Variants in EPN2 observed in about 807,000 individuals in gnomAD.
The protein encoded by EPN2 is epsin-2.
A neutral mutation model predicts 61.7 loss-of-function variants in EPN2; 34 were observed. The observed-to-expected ratio is 0.55, with a 90% confidence interval of 0.42 to 0.73. The LOEUF (loss-of-function observed/expected upper bound fraction) is 0.73. Among genes scored for constraint, EPN2 ranks in the 30% least tolerant of loss-of-function variants. The pLI, the probability that EPN2 is intolerant of heterozygous loss-of-function variation, is 0.00. For missense variants in EPN2, 714 were observed against 839.2 expected (o/e 0.85, Z 1.84); for synonymous variants, 349 against 353.6 (o/e 0.99, Z 0.15).
chr17:19,295,578 C>T (rs1403020190), intron 4 of EPN2, among the ~76,000 whole-genome samples: 1 of 152,032 alleles, frequency 6.6e-6, no homozygotes, highest in African/African-American at 2.4e-5. Context: ...AAGTCAATTC[C>T]AGAAATATAG....
rs1907271779 is a variant in EPN2, at chr17:19,333,824, G to T, written c.1628-132G>T. 5 of 625,942 alleles carry T rather than the reference G, an allele frequency of 8.0e-6. No homozygotes were observed. In the South Asian group the frequency reaches 1.4e-4, roughly 18 times the overall value. The allele number at this position is 625,942 out of a possible 1,614,324, so 38.8% of individuals were successfully genotyped here. Reference sequence around the variant, plus strand: ...CAGATATTTGCTAGTGTCTGCCATGGACTCGGCCGGCACTGTCACGGGCTC... The same window carrying T: ...CAGATATTTGCTAGTGTCTGCCATGTACTCGGCCGGCACTGTCACGGGCTC... On this transcript the variant is annotated intron_variant, in intron 10 of 10. Coordinates refer to ENST00000314728, the MANE Select transcript of EPN2 (RefSeq NM_014964.5).
In EPN2 at chr17:19,331,923, CCT is replaced by C; in HGVS notation, c.1483_1484del (p.Leu495AspfsTer15). The C allele has an allele frequency of 1.9e-6, 3 of 1,614,164 alleles. No individual in the cohort carries two copies. Among genetic ancestry groups the C allele is most frequent in the Non-Finnish European group, 2.5e-6 (3 of 1,180,026 alleles). On this transcript the variant is annotated frameshift_variant, in exon 10 of 11. Transcript: ENST00000314728. LOFTEE classifies it high-confidence loss of function. Reference protein sequence around the residue: ...TSPDPFESQPLTVASSKPSSA... With the variant: ...TSPDPFESQPXTVASSKPSSA... ...GCCCTGACCCCTTTGAGTCTCAACC[CCT>C]GACTGTCGCCTCAAGCAAGCCCAGC...
intron 1 of EPN2, among the ~76,000 whole-genome samples, chr17:19,251,112 T>C (rs2045010843): frequency 6.6e-6 from 1 of 152,176 alleles, no homozygotes; most frequent in Admixed American, 6.5e-5. Context: ...AAAGCAAGTC[T>C]TTATAGTGTA....
intron 7 of EPN2, among the ~76,000 whole-genome samples, chr17:19,323,865 A>G (rs1906752189): frequency 6.6e-6 from 1 of 152,248 alleles, no homozygotes; most frequent in African/African-American, 2.4e-5. Flanking sequence ...CACTAAGAGA[A>G]TTTGTTGCCA....
intron 7 of EPN2, among the ~76,000 whole-genome samples, chr17:19,315,256 G>C (rs1391386796): frequency 6.6e-6 from 1 of 152,174 alleles, no homozygotes; most frequent in South Asian, 2.1e-4. Flanking sequence ...TCTGGGCCGA[G>C]CCAAGGACCT....
At chr17:19,247,484 A>G (rs2044965814) in intron 1 of EPN2, among the ~76,000 whole-genome samples, 1 of 152,230 alleles carries the variant, frequency 6.6e-6, no homozygotes. Flanking sequence ...AGAACAAGAA[A>G]CAGTATCCCT....
chr17:19,308,820 G>A (rs1278448026), intron 4 of EPN2, among the ~76,000 whole-genome samples: 3 of 152,170 alleles, frequency 2.0e-5, no homozygotes, highest in Non-Finnish European at 1.5e-5. Flanking sequence ...TTCCCTGATC[G>A]TGAAACATCC....
chr17:19,291,537 A>G (rs1451898623), intron 4 of EPN2, among the ~76,000 whole-genome samples: 1 of 142,710 alleles, frequency 7.0e-6, no homozygotes, highest in Non-Finnish European at 1.5e-5. Context: ...TCCTGGGTTC[A>G]CGCCGTTCTC....
At chr17:19,263,979 G>A (rs1251413882) in intron 1 of EPN2, among the ~76,000 whole-genome samples, 1 of 152,104 alleles carries the variant, frequency 6.6e-6, no homozygotes, top group African/African-American at 2.4e-5. Context: ...GTTCTTCCTT[G>A]GCCTCTCGGC....
intron 1 of EPN2, among the ~76,000 whole-genome samples, chr17:19,256,082 T>G (rs1047806879): frequency 6.6e-6 from 1 of 151,740 alleles, no homozygotes; most frequent in African/African-American, 2.4e-5. Flanking sequence ...GGACTACAGG[T>G]GCCCGCCACC....
rs765011652 is a variant in EPN2 at position 19,335,966 on chromosome 17, A to T, written c.*1712A>T. On this transcript the variant is annotated 3_prime_UTR_variant, in exon 11 of 11. Transcript: ENST00000314728. Reference sequence around the variant, plus strand: ...TCCACCATGGGAATTTCTCACCTCTAGCTCTAAGGGCAGCTGACCACCTGC... The same window carrying T: ...TCCACCATGGGAATTTCTCACCTCTTGCTCTAAGGGCAGCTGACCACCTGC... 3.5e-4 allele frequency: 53 copies of T among 152,772 alleles called. No homozygotes were observed. Among genetic ancestry groups the T allele is most frequent in the Non-Finnish European group, 7.5e-4 (51 of 68,412 alleles). The allele number at this position is 152,772 out of a possible 1,614,324, so 9.5% of individuals were successfully genotyped here.
At chr17:19,259,403 C>T (rs555522237) in intron 1 of EPN2, among the ~76,000 whole-genome samples, 3 of 150,650 alleles carry the variant, frequency 2.0e-5, no homozygotes, top group Admixed American at 1.3e-4. Flanking sequence ...AGCTCCACCT[C>T]CCGGGTTCAC....
At chr17:19,295,224 C>G (rs1663154777) in intron 4 of EPN2, among the ~76,000 whole-genome samples, 1 of 152,212 alleles carries the variant, frequency 6.6e-6, no homozygotes, top group African/African-American at 2.4e-5. Context: ...GAAAGGTGCT[C>G]AGAACATACT....
chr17:19,292,666 G>T (rs1464501059), intron 4 of EPN2, among the ~76,000 whole-genome samples: 4 of 152,230 alleles, frequency 2.6e-5, no homozygotes, highest in African/African-American at 9.6e-5. Flanking sequence ...TTGCCACAAG[G>T]GCTTGGGTTT....
Position 19,283,615 on chromosome 17 carries a change from A to T in EPN2, c.496A>T (p.Ile166Phe). 1 of 1,614,108 alleles carries T rather than the reference A, an allele frequency of 6.2e-7. No individual in the cohort carries two copies. The highest frequency in any genetic ancestry group is 8.5e-7 in the Non-Finnish European group (1 of 1,180,020). ...TGCCACTGGCATGGGCAGCAACCAG[A>T]TCACCTTTGGGCGAGGCTCCAGCCA... ...QVATGMGSNQ[I>F]TFGRGSSQPN... is the part of the protein sequence containing the mutation. Residue 166 changes from isoleucine to phenylalanine, a missense_variant, in exon 3 of 11, where the codon ATC (isoleucine) becomes TTC (phenylalanine). Ile to Phe is a conservative substitution (Grantham distance 21). Coordinates refer to ENST00000314728, the MANE Select transcript of EPN2 (RefSeq NM_014964.5). This position sits in a 1 kb window ranked among gnomAD's most constrained non-coding sequence, Gnocchi z 7.0.
chr17:19,276,253 T>A (rs922695598), intron 1 of EPN2: 14 of 152,124 alleles, frequency 9.2e-5, no homozygotes, highest in Non-Finnish European at 1.9e-4. Flanking sequence ...AGTGGCATTA[T>A]CATGGTCCAC....
chr17:19,333,641 G>T (rs12602286), intron 10 of EPN2, among the ~76,000 whole-genome samples: 118,484 of 152,030 alleles, frequency 0.78, 48,005 homozygotes, highest in Non-Finnish European at 0.87. Context: ...GATGGCTGGT[G>T]AAGGTGTCCT....
At chr17:19,261,353 A>G (rs892475165) in intron 1 of EPN2, among the ~76,000 whole-genome samples, 1 of 152,226 alleles carries the variant, frequency 6.6e-6, no homozygotes, top group African/African-American at 2.4e-5. Context: ...GGAGCTGATC[A>G]TGTTGTCATA....
intron 1 of EPN2, among the ~76,000 whole-genome samples, chr17:19,240,885 G>C (rs187968810): frequency 6.6e-6 from 1 of 152,202 alleles, no homozygotes; most frequent in Admixed American, 6.5e-5. Context: ...TTTGTCACCA[G>C]TATTCCTCGA....
Sources: gnomAD v4.1 joint callset for allele counts (sites outside exome capture counted in the v4.1 genomes callset) on GRCh38, gnomAD v4.1.1 for gene constraint, Gnocchi (gnomAD v3.1) non-coding constraint, MANE v1.5 for transcripts, NCBI Gene and HGNC (gene_info 2026-07-23, HGNC 2026-07-21) for gene names.